SYNE1: variants seen among roughly 807,000 people sequenced by gnomAD.
SYNE1 encodes spectrin repeat containing nuclear envelope protein 1, also known as nesprin-1.
SYNE1 carries 616 observed loss-of-function variants against 1,111.0 expected under a neutral mutation model. The observed-to-expected ratio is 0.55, with a 90% confidence interval of 0.52 to 0.59. SYNE1 has a LOEUF of 0.59. SYNE1 is among the 20% of genes least tolerant of loss of function. The pLI is 0.00. For synonymous variants in SYNE1, 3,855 were observed against 3,825.8 expected (o/e 1.01, Z -0.28); for missense variants, 10,006 against 10,417.0 (o/e 0.96, Z 1.72).
chr6:152,518,409 G>A (rs766639575), intron 6 of SYNE1, among the ~76,000 whole-genome samples: 3 of 151,826 alleles, frequency 2.0e-5, no homozygotes, highest in Non-Finnish European at 4.4e-5. Context: ...CTCGTAAGAC[G>A]TGGTTGTTTA....
At chr6:152,227,716 A>G (rs2081917698) in intron 115 of SYNE1, among the ~76,000 whole-genome samples, 1 of 152,148 alleles carries the variant, frequency 6.6e-6, no homozygotes, top group Non-Finnish European at 1.5e-5. Context: ...TCATTTTTCT[A>G]TGATGTTAAC....
chr6:152,520,446 G>A lies in SYNE1; in HGVS notation c.309+13C>T, dbSNP rs1289871655. ...CTTCTTCCTTGGGCATTTTGTTTTTGTTTCTCTCTTACCTTTCTTCCTTCG... is the reference window on the plus strand; with the variant it reads ...CTTCTTCCTTGGGCATTTTGTTTTTATTTCTCTCTTACCTTTCTTCCTTCG... On this transcript the variant is annotated intron_variant, in intron 6 of 145. Coordinates refer to ENST00000367255, the MANE Select transcript of SYNE1 (RefSeq NM_182961.4). 1.9e-6 allele frequency: 3 copies of A among 1,612,436 alleles called. No homozygotes were observed. The highest frequency in any genetic ancestry group is 3.3e-5 in the Admixed American group (2 of 59,962).
At position 152,401,299 on chromosome 6, in the gene SYNE1, C is replaced by T; in HGVS notation, c.6868G>A (p.Glu2290Lys). The T allele has an allele frequency of 6.2e-7, 1 of 1,614,014 alleles. No homozygotes were observed. The highest frequency in any genetic ancestry group is 1.1e-5 in the South Asian group (1 of 91,086). ...GTTCCTTTTGCTACTTCAGTTATTT[C>T]TTTGGCATGCTCCAGTTTCTGCATT... Reference protein sequence around the residue: ...DLMQKLEHAKEITEVAKGTLK... With the variant: ...DLMQKLEHAKKITEVAKGTLK... The change falls in exon 47 of 146, where the codon GAA becomes AAA. Residue 2290 changes from glutamate (E) to lysine (K), a missense_variant. Glu to Lys is a moderately conservative substitution (Grantham distance 56). Around this residue, in one of 7 missense-constraint regions of SYNE1, gnomAD observed 4,955 missense variants for 5,017.2 expected, o/e 0.99. Coordinates refer to ENST00000367255, the MANE Select transcript of SYNE1 (RefSeq NM_182961.4).
intron 107 of SYNE1, 110 bp downstream of exon 107, chr6:152,242,130 T>A: frequency 9.1e-7 from 1 of 1,097,374 alleles, no homozygotes; most frequent in Non-Finnish European, 1.4e-6. Flanking sequence ...CTTATACAAG[T>A]AAGAACTCAT....
chr6:152,582,974 G>A (rs1419990887), intron 3 of SYNE1, among the ~76,000 whole-genome samples: 1 of 152,042 alleles, frequency 6.6e-6, no homozygotes, highest in Non-Finnish European at 1.5e-5. Flanking sequence ...GTTTTGCTAT[G>A]AATACAGACA....
intron 95 of SYNE1, among the ~76,000 whole-genome samples, chr6:152,287,044 G>T (rs1413891700): frequency 6.6e-6 from 1 of 152,218 alleles, no homozygotes; most frequent in Non-Finnish European, 1.5e-5. Flanking sequence ...CAAGTGCTAA[G>T]AAACTTTTAT....
chr6:152,487,703 C>A (rs1260756097), intron 12 of SYNE1, among the ~76,000 whole-genome samples: 1 of 152,142 alleles, frequency 6.6e-6, no homozygotes, highest in Non-Finnish European at 1.5e-5. Context: ...TTGTTAAATT[C>A]AGTTTATTTT....
chr6:152,299,122 C>T (rs1436253154), intron 93 of SYNE1, among the ~76,000 whole-genome samples: 4 of 152,068 alleles, frequency 2.6e-5, no homozygotes, highest in Admixed American at 6.6e-5. Context: ...TTCATGTATC[C>T]TTTGACACTT....
At chr6:152,368,074 T>C (rs1460094616) in intron 61 of SYNE1, 1 of 154,076 alleles carries the variant, frequency 6.5e-6, no homozygotes, top group African/African-American at 2.4e-5. Context: ...ACATAGACTA[T>C]TTACTCCCAG....
intron 115 of SYNE1, among the ~76,000 whole-genome samples, chr6:152,226,195 TTA>T (rs1249889000): frequency 6.6e-5 from 10 of 152,148 alleles, no homozygotes; most frequent in African/African-American, 2.2e-4. Flanking sequence ...GTAATATTAT[TTA>T]TATTATTAAG....
intron 5 of SYNE1, among the ~76,000 whole-genome samples, chr6:152,522,776 T>A (rs2099146115): frequency 6.6e-6 from 1 of 152,186 alleles, no homozygotes; most frequent in African/African-American, 2.4e-5. Context: ...TATCTCATTG[T>A]GGTTTTAATT....
At chr6:152,558,976 T>TTTTATTTA (rs76946853) in intron 3 of SYNE1, among the ~76,000 whole-genome samples, 1,899 of 139,980 alleles carry the variant, frequency 0.014, 23 homozygotes, top group African/African-American at 0.024. Flanking sequence ...CATATTTAAT[T>TTTTATTTA]TTTATTTATT....
intron 25 of SYNE1, among the ~76,000 whole-genome samples, chr6:152,451,558 C>T (rs1165957212): frequency 7.1e-6 from 1 of 140,512 alleles, no homozygotes; most frequent in African/African-American, 2.7e-5. Flanking sequence ...TCTTGGCTCA[C>T]TGCAACCTCC....
At chr6:152,395,752 CT>C (rs1180788914) in intron 50 of SYNE1, 81 bp from the exon 51 acceptor site, 1 of 1,491,694 alleles carries the variant, frequency 6.7e-7, no homozygotes, top group East Asian at 2.3e-5. Flanking sequence ...GTCACAATGT[CT>C]TTTAAATGGC....
intron 137 of SYNE1, 126 bp from the exon 138 acceptor site, chr6:152,143,891 T>C (rs2058975163): frequency 2.1e-6 from 3 of 1,398,064 alleles, no homozygotes; most frequent in Non-Finnish European, 3.0e-6. Context: ...GTGTGGGTAA[T>C]TACAAAGCAA....
rs1194894107 is a variant in SYNE1 at position 152,294,096 on chromosome 6, T to G, written c.17714A>C (p.Glu5905Ala). ...TTTTGCAGCATCTGTCTGCAACCTC[T>G]CAGCAGACAAGGCTTGGTAATATGC... ...DIAYYQALSA[E>A]RLQTDAAKIH... The change falls in exon 94 of 146, where the codon GAG becomes GCG. Residue 5905 changes from glutamate to alanine, a missense_variant. Physicochemically the swap from Glu to Ala is moderately radical, Grantham distance 107 (BLOSUM62 -1). Coordinates refer to ENST00000367255, the MANE Select transcript of SYNE1 (RefSeq NM_182961.4). 2 of 1,613,660 alleles carry G rather than the reference T, an allele frequency of 1.2e-6. No individual in the cohort carries two copies. Among genetic ancestry groups the G allele is most frequent in the African/African-American group, 2.7e-5 (2 of 74,882 alleles).
At position 152,461,653 on chromosome 6, in the gene SYNE1, C is replaced by T; in HGVS notation, c.2338G>A (p.Glu780Lys). 6.2e-7 allele frequency: 1 copy of T among 1,613,944 alleles called. No homozygotes were observed. Among genetic ancestry groups the T allele is most frequent in the East Asian group, 2.2e-5 (1 of 44,866 alleles). Reference protein sequence around the residue: ...AHLITKESPQEEGKEMFATMS... With the variant: ...AHLITKESPQKEGKEMFATMS... Reference sequence around the variant, plus strand: ...GTCGCAAACATTTCTTTTCCTTCTTCTTGGGGGCTTTCTTTGGTAATGAGG... The same window carrying T: ...GTCGCAAACATTTCTTTTCCTTCTTTTTGGGGGCTTTCTTTGGTAATGAGG... The change falls in exon 21 of 146, where the codon GAA becomes AAA. Residue 780 changes from glutamate to lysine, a missense_variant. By Grantham distance (56) the Glu-to-Lys change is moderately conservative. Around this residue, in one of 7 missense-constraint regions of SYNE1, gnomAD observed 1,971 missense variants for 2,084.1 expected, o/e 0.95. Coordinates refer to ENST00000367255, the MANE Select transcript of SYNE1 (RefSeq NM_182961.4).
chr6:152,200,516 G>C (rs1281556356), intron 127 of SYNE1, among the ~76,000 whole-genome samples: 1 of 152,084 alleles, frequency 6.6e-6, no homozygotes, highest in Non-Finnish European at 1.5e-5. Context: ...TCCTGCCTCA[G>C]CCTCCCCAGT....
At chr6:152,493,568 C>T (rs957932341) in intron 11 of SYNE1, among the ~76,000 whole-genome samples, 8 of 152,128 alleles carry the variant, frequency 5.3e-5, no homozygotes, top group Non-Finnish European at 1.0e-4. Flanking sequence ...AATATTTTGA[C>T]AACCTTCTAC....
Sources: gnomAD v4.1 joint callset for allele counts (sites outside exome capture counted in the v4.1 genomes callset) on GRCh38, gnomAD v4.1.1 for gene constraint, gnomAD v4.1.1 regional missense constraint, MANE v1.5 for transcripts, NCBI Gene and HGNC (gene_info 2026-07-23, HGNC 2026-07-21) for gene names.